Variants in FMNL1 observed in about 807,000 individuals in gnomAD.
The protein encoded by FMNL1 is formin like 1, also known as formin-like protein 1.
Under a neutral mutation model 121.3 loss-of-function variants are expected in FMNL1, and 43 were observed. The ratio of observed to expected loss-of-function variants is 0.35; its 90% CI spans 0.28 to 0.46. The LOEUF (loss-of-function observed/expected upper bound fraction) is 0.46. Ranked by LOEUF, FMNL1 falls within the 20% of genes least tolerant of loss-of-function variation. The pLI is 1.00. For synonymous variants in FMNL1, 613 were observed against 613.5 expected, an observed-to-expected ratio of 1.00 and a Z score of 0.01; for missense variants, 1,191 against 1,482.4, an observed-to-expected ratio of 0.80 and a Z score of 3.23.
At chr17:45,234,788 C>A (rs1380367400) in intron 6 of FMNL1, 1 of 159,066 alleles carries the variant, frequency 6.3e-6, no homozygotes, top group Admixed American at 6.3e-5. Context: ...TGGGACCCCT[C>A]TTGTATGCAT....
chr17:45,246,477 C>A (rs747127301), intron 25 of FMNL1, 28 bp from the exon 26 acceptor site: 1 of 1,613,886 alleles, frequency 6.2e-7, no homozygotes, highest in Non-Finnish European at 8.5e-7. Context: ...TTTCTCTACT[C>A]CCCTTCACCT....
intron 6 of FMNL1, 99 bp from the exon 7 acceptor site, chr17:45,236,037 T>A (rs9891552): frequency 0.059 from 55,791 of 953,678 alleles, 1,867 homozygotes; most frequent in Admixed American, 0.11. Context: ...TGCCGTCAGG[T>A]TCCAGATGTG....
Position 45,241,197 on chromosome 17 carries a change from A to C in FMNL1, c.1299A>C (p.Leu433=). The change falls in exon 13 of 27, where the codon CTA becomes CTC. Residue 433 remains leucine, a synonymous_variant. Coordinates refer to ENST00000331495, the MANE Select transcript of FMNL1 (RefSeq NM_005892.4). The surrounding 1 kb of genome is among the most constrained non-coding windows in gnomAD (Gnocchi z 7.0). The part of the protein sequence containing the change: ...MAKIAELEKQ[L]SQARKELETL... The stretch of plus-strand genomic sequence containing the variant: ...AGATTGCAGAACTGGAAAAACAGCT[A>C]AGCCAGGCGCGCAAGGAGTTGGAGA... The C allele has an allele frequency of 1.9e-6, 3 of 1,614,140 alleles. No homozygotes were observed. Among genetic ancestry groups the C allele is most frequent in the Non-Finnish European group, 2.5e-6 (3 of 1,179,990 alleles).
intron 17 of FMNL1, 87 bp downstream of exon 17, chr17:45,243,407 A>G (rs181738460): frequency 1.9e-5 from 27 of 1,444,870 alleles, no homozygotes; most frequent in East Asian, 1.7e-4. Context: ...AAGAGCCTCA[A>G]TGGTGAGCTC....
intron 23 of FMNL1, 72 bp from the exon 24 acceptor site, chr17:45,245,806 G>A: frequency 6.2e-7 from 1 of 1,606,844 alleles, no homozygotes; most frequent in African/African-American, 1.3e-5. Context: ...GGAGGGGTGG[G>A]GCTGCTTCTG....
chr17:45,239,185 G>A (rs1210510964), intron 11 of FMNL1, 120 bp downstream of exon 11: 6 of 779,528 alleles, frequency 7.7e-6, no homozygotes, highest in Non-Finnish European at 1.3e-5. Context: ...CTCTGCCGTT[G>A]CCTGCCGTGT....
At chr17:45,230,767 A>C (rs1238266776) in intron 2 of FMNL1, 80 bp downstream of exon 2, 1 of 1,449,688 alleles carries the variant, frequency 6.9e-7, no homozygotes, top group East Asian at 2.3e-5. Context: ...CTATGGGGAG[A>C]GGGGCACCGC....
In FMNL1 at chr17:45,234,596, G is replaced by T. The variant is rs543592447; in HGVS notation, c.614+396G>T. ...GGAGAATCGCTGGAGCCCAGGGGAT[G>T]GAGGTTGCAGTGAGCTGAGATCGCA... is the stretch of plus-strand genomic sequence containing the variant. On this transcript the variant is annotated intron_variant, in intron 6 of 26. Transcript: ENST00000331495. The T allele has an allele frequency of 5.3e-4, 159 of 299,470 alleles. 3 individuals are homozygous for T. Among genetic ancestry groups the T allele is most frequent in the South Asian group, 4.6e-3 (157 of 34,458 alleles). 18.6% of individuals were successfully genotyped at this position (299,470 alleles called of 1,614,324 possible).
At chr17:45,234,288 G>T in intron 6 of FMNL1, 88 bp downstream of exon 6, 1 of 1,604,804 alleles carries the variant, frequency 6.2e-7, no homozygotes, top group South Asian at 1.1e-5. Flanking sequence ...CGGGCCCTTG[G>T]GGTTGGCGAG....
Position 45,222,033 on chromosome 17 carries a change from C to T in FMNL1, c.-92C>T, listed in dbSNP as rs1194400040. Reference sequence around the variant, plus strand: ...CCGCCACCGCCAGCCGCTGCCCCCTCGCCCCCGCCCGGGCCGGGAGCCTCG... The same window carrying T: ...CCGCCACCGCCAGCCGCTGCCCCCTTGCCCCCGCCCGGGCCGGGAGCCTCG... On this transcript the variant is annotated 5_prime_UTR_variant, in exon 1 of 27. Transcript: ENST00000331495. 53 of 1,030,624 alleles carry T rather than the reference C, an allele frequency of 5.1e-5. No individual in the cohort carries two copies. In the African/African-American group the frequency reaches 7.7e-4, roughly 15 times the overall value. 63.8% of individuals were successfully genotyped at this position (1,030,624 alleles called of 1,614,324 possible). A position where few individuals can be genotyped will look rare whatever the true frequency, so the allele number is the denominator to read the frequency against.
chr17:45,223,121 C>G (rs1292705021), intron 1 of FMNL1, among the ~76,000 whole-genome samples: 1 of 152,180 alleles, frequency 6.6e-6, no homozygotes, highest in Non-Finnish European at 1.5e-5. Context: ...CTCCCCACCC[C>G]CGACGCCCTG....
chr17:45,244,324 A>G (rs549770409), intron 19 of FMNL1, 80 bp downstream of exon 19: 32 of 1,462,386 alleles, frequency 2.2e-5, no homozygotes, highest in Admixed American at 8.3e-5. Context: ...CTCACCTGCA[A>G]TGCAACAAAG....
Position 45,232,599 on chromosome 17 carries a change from G to T in FMNL1, c.327+119G>T. On this transcript the variant is annotated intron_variant, in intron 3 of 26. Coordinates refer to ENST00000331495, the MANE Select transcript of FMNL1 (RefSeq NM_005892.4). The stretch of plus-strand genomic sequence containing the variant: ...CGTGTGTGGGTGCATGTATGAGTGT[G>T]TGTGTGTGTTTGTGTGTCTGTGTAT... 7.9e-6 allele frequency: 7 copies of T among 887,986 alleles called. No individual in the cohort carries two copies. The South Asian group carries it at 1.1e-4, about 13-fold the overall frequency. The allele number at this position is 887,986 out of a possible 1,614,324, so 55.0% of individuals were successfully genotyped here.
chr17:45,246,878 C>G lies in FMNL1; in HGVS notation c.*20C>G. On this transcript the variant is annotated 3_prime_UTR_variant, in exon 27 of 27. Coordinates refer to ENST00000331495, the MANE Select transcript of FMNL1 (RefSeq NM_005892.4). ...CCTTCGGCTGCCAGATCTGCGGAACCAGCCCTACATCCGCGCAGACACAGG... is the reference window on the plus strand; with the variant it reads ...CCTTCGGCTGCCAGATCTGCGGAACGAGCCCTACATCCGCGCAGACACAGG... 1 of 747,526 alleles carries G rather than the reference C, an allele frequency of 1.3e-6. No homozygotes were observed. Among genetic ancestry groups the G allele is most frequent in the Non-Finnish European group, 2.4e-6 (1 of 410,494 alleles). 46.3% of individuals were successfully genotyped at this position (747,526 alleles called of 1,614,324 possible). A position where few individuals can be genotyped will look rare whatever the true frequency, so the allele number is the denominator to read the frequency against.
intron 6 of FMNL1, 103 bp downstream of exon 6, chr17:45,234,303 G>A (rs1416815459): frequency 1.3e-6 from 2 of 1,585,918 alleles, no homozygotes; most frequent in African/African-American, 1.3e-5. Flanking sequence ...GGCGAGAGGG[G>A]TAGCCATGCA....
chr17:45,242,346 A>C lies in FMNL1; in HGVS notation c.1891A>C (p.Lys631Gln). 1 of 1,613,924 alleles carries C rather than the reference A, an allele frequency of 6.2e-7. No homozygotes were observed. The highest frequency in any genetic ancestry group is 1.1e-5 in the South Asian group (1 of 91,060). Residue 631 changes from lysine (K) to glutamine (Q), a missense_variant, in exon 16 of 27, where the codon AAG becomes CAG. Lys to Gln is a moderately conservative substitution (Grantham distance 53). Coordinates refer to ENST00000331495, the MANE Select transcript of FMNL1 (RefSeq NM_005892.4). ...RRDSELGPGV[K>Q]AKKPIQTKFR... The stretch of plus-strand genomic sequence containing the variant: ...CCCCCAAACCCCCGTCCCAGGAGTG[A>C]AGGCCAAGAAGCCCATCCAGACTAA...
chr17:45,233,005 G>T lies in FMNL1; in HGVS notation c.328-219G>T, dbSNP rs1265070413. 1 of 660,926 alleles carries T rather than the reference G, an allele frequency of 1.5e-6. No homozygotes were observed. The highest frequency in any genetic ancestry group is 2.1e-5 in the Admixed American group (1 of 48,468). 40.9% of individuals were successfully genotyped at this position (660,926 alleles called of 1,614,324 possible). On this transcript the variant is annotated intron_variant, in intron 3 of 26. Transcript: ENST00000331495. The surrounding 1 kb of genome is among the most constrained non-coding windows in gnomAD (Gnocchi z 4.1). ...TACCTTGTGTGCCCATGTATCGGGG[G>T]TGTGTGTACCCTGCTTGTCTATGTA... is the stretch of plus-strand genomic sequence containing the variant.
At chr17:45,240,453 C>A (rs772579425) in intron 11 of FMNL1, 23 bp from the exon 12 acceptor site, 38 of 1,598,018 alleles carry the variant, frequency 2.4e-5, no homozygotes, top group Non-Finnish European at 3.0e-5. Context: ...GGCCTCACCC[C>A]ACTCCTTCCA....
In FMNL1 at chr17:45,241,549, C is replaced by T. The variant is rs2043694599; in HGVS notation, c.1500C>T (p.Ser500=). 6.4e-7 allele frequency: 1 copy of T among 1,572,852 alleles called. No individual in the cohort carries two copies. The highest frequency in any genetic ancestry group is 8.6e-7 in the Non-Finnish European group (1 of 1,159,856). ...TGCGGGGGCCGGGGGATGCTGTCTC[C>T]ATCGAGATCCTCCCCGTCGCTGTGG... ...RILRGPGDAV[S]IEILPVAVAT... The change falls in exon 14 of 27, where the codon TCC becomes TCT. Residue 500 remains serine, a synonymous_variant. Transcript: ENST00000331495. The surrounding 1 kb of genome is among the most constrained non-coding windows in gnomAD (Gnocchi z 7.0).
Sources: gnomAD v4.1 joint callset for allele counts (sites outside exome capture counted in the v4.1 genomes callset) on GRCh38, gnomAD v4.1.1 for gene constraint, Gnocchi (gnomAD v3.1) non-coding constraint, MANE v1.5 for transcripts, NCBI Gene and HGNC (gene_info 2026-07-23, HGNC 2026-07-21) for gene names.